The following HS6ST3 variants were observed in gnomAD, a reference collection of about 807,000 sequenced individuals.
HS6ST3 encodes heparan-sulfate 6-O-sulfotransferase 3.
A neutral mutation model predicts 36.7 loss-of-function variants in HS6ST3; 12 were observed. The ratio of observed to expected loss-of-function variants is 0.33; its 90% CI spans 0.21 to 0.53. HS6ST3 has a LOEUF of 0.53. HS6ST3 is among the 20% of genes least tolerant of loss of function. The pLI is 0.95. For synonymous variants in HS6ST3, 240 were observed against 257.5 expected, an observed-to-expected ratio of 0.93 and a Z score of 0.65; for missense variants, 584 against 640.9, an observed-to-expected ratio of 0.91 and a Z score of 0.96.
At chr13:96,383,331 G>C (rs139981878) in intron 1 of HS6ST3, among the ~76,000 whole-genome samples, 344 of 152,222 alleles carry the variant, frequency 2.3e-3, no homozygotes, top group Non-Finnish European at 3.3e-3. Context: ...GCATGCTCCT[G>C]TAATCCCAGC....
intron 1 of HS6ST3, among the ~76,000 whole-genome samples, chr13:96,196,363 C>T (rs947411018): frequency 7.9e-5 from 12 of 152,070 alleles, no homozygotes; most frequent in East Asian, 1.9e-4. Context: ...GGGATTTTGA[C>T]GGGCATCTCC....
chr13:96,244,023 T>C (rs781432373), intron 1 of HS6ST3, among the ~76,000 whole-genome samples: 13 of 152,010 alleles, frequency 8.6e-5, no homozygotes, highest in Non-Finnish European at 1.6e-4. Flanking sequence ...CCCCCGAGAA[T>C]CTTAATTTGT....
At chr13:96,698,299 GT>G (rs969732741) in intron 1 of HS6ST3, among the ~76,000 whole-genome samples, 4 of 151,980 alleles carry the variant, frequency 2.6e-5, no homozygotes, top group East Asian at 1.9e-4. Context: ...TGTGGTGTTT[GT>G]TTTTTTGTCC....
intron 1 of HS6ST3, among the ~76,000 whole-genome samples, chr13:96,600,361 T>G (rs1577607): frequency 1.9e-5 from 2 of 102,626 alleles, no homozygotes; most frequent in Non-Finnish European, 4.5e-5. Context: ...CACACACACA[T>G]ATATATATAT....
At chr13:96,676,788 C>G (rs1178175916) in intron 1 of HS6ST3, among the ~76,000 whole-genome samples, 1 of 152,144 alleles carries the variant, frequency 6.6e-6, no homozygotes, top group Non-Finnish European at 1.5e-5. Flanking sequence ...ACCTTCTTCT[C>G]TCTTTCATCT....
chr13:96,735,919 G>T (rs778101150), intron 1 of HS6ST3, among the ~76,000 whole-genome samples: 1 of 152,102 alleles, frequency 6.6e-6, no homozygotes, highest in South Asian at 2.1e-4. Context: ...CCTTTGCAGG[G>T]AAATGGATGG....
At chr13:96,271,629 A>G (rs1170752340) in intron 1 of HS6ST3, among the ~76,000 whole-genome samples, 1 of 152,004 alleles carries the variant, frequency 6.6e-6, no homozygotes, top group Non-Finnish European at 1.5e-5. Flanking sequence ...AGAAACTTAC[A>G]CTACTTTGGA....
chr13:96,433,639 T>C (rs946004263), intron 1 of HS6ST3, among the ~76,000 whole-genome samples: 5 of 152,190 alleles, frequency 3.3e-5, no homozygotes, highest in Non-Finnish European at 7.3e-5. Context: ...GTGAGTCTAT[T>C]AAACCTCTTT....
At chr13:96,332,696 C>G (rs910701591) in intron 1 of HS6ST3, among the ~76,000 whole-genome samples, 3 of 152,202 alleles carry the variant, frequency 2.0e-5, no homozygotes, top group Non-Finnish European at 2.9e-5. Flanking sequence ...TGCAACGAAA[C>G]AAAATGAAGG....
chr13:96,583,567 G>A (rs1249004136), intron 1 of HS6ST3, among the ~76,000 whole-genome samples: 1 of 151,994 alleles, frequency 6.6e-6, no homozygotes, highest in Non-Finnish European at 1.5e-5. Flanking sequence ...TGATCATCTA[G>A]TCCATGCGTT....
intron 1 of HS6ST3, among the ~76,000 whole-genome samples, chr13:96,499,441 G>A (rs1474149801): frequency 6.6e-6 from 1 of 152,196 alleles, no homozygotes; most frequent in Non-Finnish European, 1.5e-5. Context: ...TACCCTGGAG[G>A]AGCTTACATT....
intron 1 of HS6ST3, among the ~76,000 whole-genome samples, chr13:96,688,270 G>T (rs1874845523): frequency 1.3e-5 from 2 of 151,522 alleles, no homozygotes; most frequent in Admixed American, 6.6e-5. Context: ...CTTCAAATTT[G>T]TCAACAAATG....
intron 1 of HS6ST3, among the ~76,000 whole-genome samples, chr13:96,452,177 T>C (rs775708259): frequency 1.3e-5 from 2 of 152,176 alleles, no homozygotes; most frequent in Non-Finnish European, 2.9e-5. Flanking sequence ...TTGTGGAGCA[T>C]TAACTAACCA....
chr13:96,321,478 T>G (rs2055002614), intron 1 of HS6ST3, among the ~76,000 whole-genome samples: 1 of 152,206 alleles, frequency 6.6e-6, no homozygotes, highest in Admixed American at 6.5e-5. Flanking sequence ...CCTCCACATC[T>G]TAATTTCAAG....
intron 1 of HS6ST3, among the ~76,000 whole-genome samples, chr13:96,570,294 T>G (rs1007549562): frequency 2.0e-5 from 3 of 152,248 alleles, no homozygotes; most frequent in African/African-American, 7.2e-5. Context: ...TCTTTGCTCA[T>G]ACCTCTTTGC....
intron 1 of HS6ST3, among the ~76,000 whole-genome samples, chr13:96,192,074 C>A (rs1461172300): frequency 1.3e-5 from 2 of 152,116 alleles, no homozygotes; most frequent in Non-Finnish European, 2.9e-5. Flanking sequence ...ACTCAGGAGC[C>A]AGAGACCTGG....
chr13:96,340,645 A>G (rs2055125524), intron 1 of HS6ST3, among the ~76,000 whole-genome samples: 1 of 152,222 alleles, frequency 6.6e-6, no homozygotes. Flanking sequence ...CAAGCATGCC[A>G]CCAGCACTTC....
intron 1 of HS6ST3, among the ~76,000 whole-genome samples, chr13:96,335,089 T>A (rs1284775233): frequency 6.6e-6 from 1 of 152,016 alleles, no homozygotes; most frequent in African/African-American, 2.4e-5. Context: ...AGGCTGAGGA[T>A]CTTGTTGACA....
intron 1 of HS6ST3, among the ~76,000 whole-genome samples, chr13:96,503,707 G>A (rs943208438): frequency 6.6e-5 from 10 of 152,118 alleles, no homozygotes; most frequent in African/African-American, 1.2e-4. Context: ...TTCATTGAGC[G>A]GTTCTTATCT....
Sources: gnomAD v4.1 joint callset for allele counts (sites outside exome capture counted in the v4.1 genomes callset) on GRCh38, gnomAD v4.1.1 for gene constraint, MANE v1.5 for transcripts, NCBI Gene and HGNC (gene_info 2026-07-23, HGNC 2026-07-21) for gene names.